Variants in ZAN observed in about 807,000 individuals in gnomAD.
The protein encoded by ZAN is zonadhesin (gene/pseudogene).
ZAN carries 260 observed loss-of-function variants against 286.2 expected under a neutral mutation model. The observed-to-expected ratio is 0.91, with a 90% CI of 0.82 to 1.01. ZAN has a LOEUF of 1.01. Among genes scored for constraint, ZAN ranks in the 50% least tolerant of loss-of-function variants. The pLI, the probability that ZAN is intolerant of heterozygous loss-of-function variation, is 0.00. For missense variants in ZAN, 3,410 were observed against 3,639.2 expected (o/e 0.94, Z 1.62); for synonymous variants, 1,368 against 1,417.5 (o/e 0.97, Z 0.79).
chr7:100,753,711 T>C (rs1278337264), intron 14 of ZAN, among the ~76,000 whole-genome samples: 1 of 150,998 alleles, frequency 6.6e-6, no homozygotes. Context: ...CGCACGCCTG[T>C]AGTCCCAGCT....
At chr7:100,756,400 G>C (rs1387994180) in intron 15 of ZAN, among the ~76,000 whole-genome samples, 1 of 150,948 alleles carries the variant, frequency 6.6e-6, no homozygotes, top group South Asian at 2.1e-4. Flanking sequence ...CTGCACTCCA[G>C]CCTGGGCGAC....
chr7:100,762,215 C>T lies in ZAN; in HGVS notation c.3843C>T (p.Ser1281=). The part of the protein sequence containing the change: ...GDQQLYVTVS[S]TYSGKLCGLC... ...GCCAGCTCCTCTCCTGTTCCCCTAG[C>T]ACATACTCTGGCAAACTCTGTGGTT... The change falls in exon 20 of 48, where the codon AGC becomes AGT. Residue 1281 remains serine, a splice_region_variant and synonymous_variant. Transcript: ENST00000613979. 1 of 1,612,942 alleles carries T rather than the reference C, an allele frequency of 6.2e-7. No individual in the cohort carries two copies. The highest frequency in any genetic ancestry group is 8.5e-7 in the Non-Finnish European group (1 of 1,179,360).
chr7:100,751,214 G>A lies in ZAN; in HGVS notation c.1554G>A (p.Thr518=), dbSNP rs558114024. ...LIFKGIQGSN[T]ASVVAMGFIL... is the part of the protein sequence containing the mutation. ...TCAAGGGCATCCAGGGAAGCAACAC[G>A]GCCTCTGTGGTTGCTATGGGTTTCA... The change falls in exon 13 of 48, where the codon ACG becomes ACA. Residue 518 remains threonine (T), a synonymous_variant. Coordinates refer to ENST00000613979, the MANE Select transcript of ZAN (RefSeq NM_003386.3). The A allele has an allele frequency of 1.6e-5, 25 of 1,609,906 alleles. No individual in the cohort carries two copies. Among genetic ancestry groups the A allele is most frequent in the Admixed American group, 1.5e-4 (9 of 59,524 alleles).
intron 7 of ZAN, 144 bp from the exon 8 acceptor site, chr7:100,746,394 G>A (rs1808220090): frequency 9.3e-7 from 1 of 1,072,024 alleles, no homozygotes. Context: ...AGTCAGTTGG[G>A]ATAGGACCAC....
At chr7:100,738,885 C>T (rs3885651) in intron 7 of ZAN, among the ~76,000 whole-genome samples, 15,110 of 26,394 alleles carry the variant, frequency 0.57, 3,226 homozygotes, top group Middle Eastern at 0.65. Context: ...CTCCCTCTCC[C>T]TCTCCCTCTC....
chr7:100,778,977 G>A (rs908433131), intron 34 of ZAN, among the ~76,000 whole-genome samples: 14 of 152,068 alleles, frequency 9.2e-5, no homozygotes, highest in Non-Finnish European at 1.2e-4. Flanking sequence ...AGGTTGCAGT[G>A]AGCCAAGATC....
Position 100,762,276 on chromosome 7 carries a change from C to T in ZAN, c.3904C>T (p.His1302Tyr), listed in dbSNP as rs1809643640. The T allele has an allele frequency of 1.2e-6, 2 of 1,613,624 alleles. No homozygotes were observed. Among genetic ancestry groups the T allele is most frequent in the African/African-American group, 1.3e-5 (1 of 74,880 alleles). ...CTATGACGGCAACAGTGACAATGACCACCTGAAGTTGGACGGCAGCCCAGC... is the reference window on the plus strand; with the variant it reads ...CTATGACGGCAACAGTGACAATGACTACCTGAAGTTGGACGGCAGCCCAGC... ...GNYDGNSDND[H>Y]LKLDGSPAGD... The change falls in exon 20 of 48, where the codon CAC (histidine) becomes TAC (tyrosine). Residue 1302 changes from histidine to tyrosine, a missense_variant. By Grantham distance (83) the His-to-Tyr change is moderately conservative. Around this residue, in one of 7 missense-constraint regions of ZAN, gnomAD observed 1,042 missense variants for 1,058.0 expected, o/e 0.98. Transcript: ENST00000613979.
intron 3 of ZAN, among the ~76,000 whole-genome samples, chr7:100,736,186 C>T (rs1406106985): frequency 7.0e-6 from 1 of 141,898 alleles, no homozygotes; most frequent in Non-Finnish European, 1.6e-5. Context: ...GCTCTGGACC[C>T]CAAGGCTTTG....
In ZAN at chr7:100,735,614, A is replaced by G; in HGVS notation, c.54-106A>G. The stretch of plus-strand genomic sequence containing the variant: ...AGTCAGACACATTCACTGCATAAAC[A>G]CTGATCATCCTTACGTGACCACTCA... On this transcript the variant is annotated intron_variant, in intron 2 of 47. Coordinates refer to ENST00000613979, the MANE Select transcript of ZAN (RefSeq NM_003386.3). The G allele has an allele frequency of 3.4e-6, 3 of 892,362 alleles. 1 individual carries two copies. The highest frequency in any genetic ancestry group is 3.5e-5 in the African/African-American group (2 of 56,590). 55.3% of individuals were successfully genotyped at this position (892,362 alleles called of 1,614,324 possible).
chr7:100,796,674 C>T (rs1812387057), intron 45 of ZAN, among the ~76,000 whole-genome samples: 1 of 152,016 alleles, frequency 6.6e-6, no homozygotes, highest in Admixed American at 6.6e-5. Flanking sequence ...CCTTGGCCTC[C>T]CAAAGTGCTG....
chr7:100,779,608 G>C lies in ZAN; in HGVS notation c.6480G>C (p.Thr2160=), dbSNP rs759290511. 6.2e-7 allele frequency: 1 copy of C among 1,605,256 alleles called. No individual in the cohort carries two copies. The highest frequency in any genetic ancestry group is 2.2e-5 in the East Asian group (1 of 44,454). The change falls in exon 35 of 48, where the codon ACG becomes ACC. Residue 2160 remains threonine, a synonymous_variant. Transcript: ENST00000613979. ...AGTGCGCCTCCCGCATAGACCTCAC[G>C]CCCTTCCTGGTGGACTGTGCAAACA... ...WAQCASRIDL[T]PFLVDCANTL...
At position 100,775,254 on chromosome 7, in the gene ZAN, C is replaced by A. The variant is rs1467759130; in HGVS notation, c.5780-74C>A. ...CTCTTTTCTGGAAGGCAGGGAGAAC[C>A]CAGGACTAGTTTCCCAGGGACCCTG... On this transcript the variant is annotated intron_variant, in intron 31 of 47. Coordinates refer to ENST00000613979, the MANE Select transcript of ZAN (RefSeq NM_003386.3). The A allele has an allele frequency of 3.9e-6, 6 of 1,539,262 alleles. No homozygotes were observed. The Admixed American group carries it at 1.2e-4, about 31-fold the overall frequency.
In ZAN at chr7:100,752,214, T is replaced by C. The variant is rs372725460; in HGVS notation, c.2109T>C (p.Thr703=). 4.1e-5 allele frequency: 60 copies of C among 1,469,558 alleles called. No homozygotes were observed. In the African/African-American group the frequency reaches 1.0e-3, roughly 25 times the overall value. 91.0% of individuals were successfully genotyped at this position (1,469,558 alleles called of 1,614,324 possible). ...TEKPTISMEE[T]IISTEKPTIS... ...AACCCACCATCTCCATGGAAGAGACTATCATCTCCACAGAAAAACCCACCA... is the reference window on the plus strand; with the variant it reads ...AACCCACCATCTCCATGGAAGAGACCATCATCTCCACAGAAAAACCCACCA... The change falls in exon 14 of 48, where the codon ACT becomes ACC. Residue 703 remains threonine (T), a synonymous_variant. Transcript: ENST00000613979.
chr7:100,782,474 A>G (rs969254777), intron 35 of ZAN, among the ~76,000 whole-genome samples: 5 of 151,900 alleles, frequency 3.3e-5, no homozygotes, highest in Non-Finnish European at 2.9e-5. Context: ...GATTACAGGC[A>G]CCCACCACCA....
chr7:100,782,810 T>C (rs555198876), intron 35 of ZAN, among the ~76,000 whole-genome samples: 240 of 152,268 alleles, frequency 1.6e-3, no homozygotes, highest in Non-Finnish European at 2.9e-3. Flanking sequence ...CCAATATTAT[T>C]AAATGACTAG....
chr7:100,740,379 T>C lies in ZAN; in HGVS notation c.766+1766T>C, dbSNP rs1363254488. On this transcript the variant is annotated intron_variant, in intron 7 of 47. Transcript: ENST00000613979. ...ATTTGGCAGGGTCATGGGACAATAG[T>C]GGAGGGAAGGTCAGCAGATAAACAA... Among the ~76,000 whole-genome samples, 97 of 98,790 alleles carry C rather than the reference T, an allele frequency of 9.8e-4. 4 individuals are homozygous for C. The highest frequency in any genetic ancestry group is 1.5e-3 in the Non-Finnish European group (72 of 47,954). 64.8% of individuals were successfully genotyped at this position (98,790 alleles called of 152,430 possible). A position where few individuals can be genotyped will look rare whatever the true frequency, so the allele number is the denominator to read the frequency against.
rs187208532 is a variant in ZAN at position 100,736,347 on chromosome 7, G to C, written c.107-136G>C. 4.5e-5 allele frequency: 47 copies of C among 1,039,896 alleles called. 2 individuals carry two copies. Among genetic ancestry groups the C allele is most frequent in the Non-Finnish European group, 6.2e-5 (42 of 678,380 alleles). The allele number at this position is 1,039,896 out of a possible 1,614,324, so 64.4% of individuals were successfully genotyped here. The stretch of plus-strand genomic sequence containing the variant: ...GCCTCCCCAGTAGCTGGGACTACAG[G>C]TGTGCGCCACCACACCCGGCTGATT... On this transcript the variant is annotated intron_variant, in intron 3 of 47. Transcript: ENST00000613979.
At position 100,748,352 on chromosome 7, in the gene ZAN, C is replaced by G; in HGVS notation, c.1131C>G (p.Asp377Glu). The G allele has an allele frequency of 6.2e-7, 1 of 1,613,996 alleles. No individual in the cohort carries two copies. The highest frequency in any genetic ancestry group is 8.5e-7 in the Non-Finnish European group (1 of 1,179,896). The part of the protein sequence containing the change: ...GEGFPQCDFE[D>E]NAHPFCDWVQ... ...GTTTTCCTCAGTGTGACTTTGAAGACAACGCCCATCCCTTCTGTGACTGGG... is the reference window on the plus strand; with the variant it reads ...GTTTTCCTCAGTGTGACTTTGAAGAGAACGCCCATCCCTTCTGTGACTGGG... The change falls in exon 11 of 48, where the codon GAC (aspartate) becomes GAG (glutamate). Residue 377 changes from aspartate (D) to glutamate (E), a missense_variant. Transcript: ENST00000613979.
intron 14 of ZAN, 147 bp from the exon 15 acceptor site, chr7:100,755,079 C>T (rs534965258): frequency 6.4e-4 from 594 of 922,746 alleles, no homozygotes; most frequent in Admixed American, 1.3e-3. Flanking sequence ...TGTGAGCCAC[C>T]GCACCCAGCC....
Sources: allele counts gnomAD v4.1 joint callset (sites outside exome capture counted in the v4.1 genomes callset), GRCh38; gene constraint gnomAD v4.1.1; regional missense constraint gnomAD v4.1.1; transcripts MANE v1.5; gene names NCBI Gene and HGNC (gene_info 2026-07-23, HGNC 2026-07-21).